OPA1: variants seen among roughly 807,000 people sequenced by gnomAD.
OPA1 encodes the protein OPA1 mitochondrial dynamin like GTPase.
In OPA1, 59 loss-of-function variants were observed where a neutral mutation model predicts 152.9. The ratio of observed to expected loss-of-function variants is 0.39; its 90% confidence interval spans 0.31 to 0.48. The LOEUF (loss-of-function observed/expected upper bound fraction) is 0.48. Ranked by LOEUF, OPA1 falls within the 20% of genes least tolerant of loss-of-function variation. The pLI, the probability that OPA1 is intolerant of heterozygous loss-of-function variation, is 0.96. For synonymous variants in OPA1, 400 were observed against 389.9 expected, an observed-to-expected ratio of 1.03 and a Z score of -0.31; for missense variants, 1,008 against 1,216.8, an observed-to-expected ratio of 0.83 and a Z score of 2.55.
At chr3:193,639,307 A>G (rs1733406845) in intron 11 of OPA1, among the ~76,000 whole-genome samples, 1 of 152,224 alleles carries the variant, frequency 6.6e-6, no homozygotes, top group Admixed American at 6.5e-5. Flanking sequence ...ATAATACATA[A>G]TTGTATAGTA....
intron 29 of OPA1, 102 bp from the exon 30 acceptor site, chr3:193,691,961 T>C (rs574607006): frequency 1.4e-6 from 1 of 706,584 alleles, no homozygotes; most frequent in Non-Finnish European, 2.5e-6. Context: ...TTTTTCTTTT[T>C]CCCGCAAATA....
rs548825237 is a variant in OPA1 at position 193,610,418 on chromosome 3, C to T, written c.33-4305C>T. Among the ~76,000 whole-genome samples the T allele has an allele frequency of 2.9e-4, 44 of 152,272 alleles. No individual in the cohort carries two copies. In the East Asian group the frequency reaches 7.5e-3, roughly 26 times the overall value. ...GGAAGTTTTGTCTCAGAGGGGTACC[C>T]GGCCATGTGAGGTGTCAGTCTGCCC... On this transcript the variant is annotated intron_variant, in intron 1 of 30. Transcript: ENST00000361510.
intron 21 of OPA1, among the ~76,000 whole-genome samples, chr3:193,649,445 G>A (rs1401473507): frequency 6.6e-6 from 1 of 152,196 alleles, no homozygotes; most frequent in Admixed American, 6.5e-5. Context: ...TCAGTGGAAT[G>A]AGACACGGTA....
At chr3:193,652,156 G>A (rs148970134) in intron 21 of OPA1, among the ~76,000 whole-genome samples, 125 of 152,172 alleles carry the variant, frequency 8.2e-4, no homozygotes, top group African/African-American at 2.9e-3. Flanking sequence ...CCCTATGGTC[G>A]GATCACTTAA....
intron 7 of OPA1, among the ~76,000 whole-genome samples, chr3:193,629,409 T>C (rs771722145): frequency 5.9e-5 from 9 of 151,970 alleles, no homozygotes; most frequent in African/African-American, 2.2e-4. Context: ...ATATAAATTA[T>C]ATTTGTAGGC....
chr3:193,638,753 A>G (rs1231692117), intron 11 of OPA1, among the ~76,000 whole-genome samples: 1 of 152,220 alleles, frequency 6.6e-6, no homozygotes, highest in African/African-American at 2.4e-5. Context: ...TGACATTTTC[A>G]GCTATTGAAA....
At chr3:193,617,962 C>G (rs931691794) in intron 5 of OPA1, 125 bp downstream of exon 5, 10 of 706,864 alleles carry the variant, frequency 1.4e-5, no homozygotes, top group African/African-American at 1.1e-4. Context: ...AACCCCAGAA[C>G]TATATTAGGC....
Position 193,619,932 on chromosome 3 carries a change from TTTTAA to T in OPA1, c.678+1000_678+1004del, listed in dbSNP as rs1189339145. ...TTTCAAAAGATTTTTTTCTTTTGCC[TTTTAA>T]TTTTATCTTTTGGAGAAAAATGTAT... On this transcript the variant is annotated intron_variant, in intron 6 of 30. Transcript: ENST00000361510. Among the ~76,000 whole-genome samples, 6 of 152,340 alleles carry T rather than the reference TTTTAA, an allele frequency of 3.9e-5. No individual in the cohort carries two copies. In the East Asian group the frequency reaches 1.2e-3, roughly 29 times the overall value.
chr3:193,608,877 C>G (rs1353999857), intron 1 of OPA1, among the ~76,000 whole-genome samples: 2 of 152,082 alleles, frequency 1.3e-5, no homozygotes, highest in African/African-American at 4.8e-5. Flanking sequence ...CTTTATGAAT[C>G]TGGGTGCTCC....
intron 29 of OPA1, among the ~76,000 whole-genome samples, chr3:193,670,204 A>G (rs1196137875): frequency 2.0e-5 from 3 of 152,358 alleles, no homozygotes; most frequent in East Asian, 1.9e-4. Flanking sequence ...AGCCTGTTCA[A>G]TTAGAACATA....
chr3:193,628,155 T>C (rs1341640079), intron 7 of OPA1, among the ~76,000 whole-genome samples: 6 of 152,192 alleles, frequency 3.9e-5, no homozygotes, highest in East Asian at 1.9e-4. Context: ...TGAGGTTTAC[T>C]TGATGCATAA....
intron 21 of OPA1, among the ~76,000 whole-genome samples, chr3:193,649,144 A>C (rs1193454585): frequency 2.0e-5 from 3 of 152,132 alleles, no homozygotes; most frequent in Non-Finnish European, 4.4e-5. Flanking sequence ...TCCTTTGGGC[A>C]GAAGTTTTGT....
intron 1 of OPA1, 136 bp downstream of exon 1, chr3:193,593,545 TGAG>T (rs1299744827): frequency 1.1e-6 from 1 of 928,546 alleles, no homozygotes; most frequent in Non-Finnish European, 1.5e-6. Context: ...CAGATGTTCT[TGAG>T]GACCCAGAAT....
intron 6 of OPA1, among the ~76,000 whole-genome samples, chr3:193,623,480 G>A (rs1730524540): frequency 6.6e-6 from 1 of 152,044 alleles, no homozygotes; most frequent in Admixed American, 6.6e-5. Flanking sequence ...TACGTGAAAT[G>A]AGACTGAGAT....
chr3:193,689,155 G>A (rs1721346037), intron 29 of OPA1: 1 of 152,178 alleles, frequency 6.6e-6, no homozygotes, highest in South Asian at 2.1e-4. Flanking sequence ...GAGTAAGCCA[G>A]GAATGCTTCT....
intron 7 of OPA1, among the ~76,000 whole-genome samples, chr3:193,626,939 G>A (rs1367513846): frequency 1.3e-5 from 2 of 152,158 alleles, no homozygotes; most frequent in African/African-American, 2.4e-5. Context: ...CCACAACGGA[G>A]ATCCCAAAGT....
chr3:193,626,268 G>A (rs566655478), intron 7 of OPA1, 66 bp downstream of exon 7: 27 of 1,112,708 alleles, frequency 2.4e-5, no homozygotes, highest in Non-Finnish European at 3.6e-5. Context: ...CCAAGATCAT[G>A]TCACCTCAAT....
chr3:193,596,376 T>TTTTCC, intron 1 of OPA1, among the ~76,000 whole-genome samples: 1 of 83,686 alleles, frequency 1.2e-5, no homozygotes, highest in African/African-American at 5.2e-5. Flanking sequence ...TTTTCTTTTC[T>TTTTCC]TTTCTTTTCT....
intron 29 of OPA1, among the ~76,000 whole-genome samples, chr3:193,668,047 G>T (rs1236631269): frequency 3.9e-5 from 6 of 152,094 alleles, no homozygotes; most frequent in Non-Finnish European, 7.4e-5. Context: ...GTGAATGTTT[G>T]TGTGTGTGCA....
Sources: allele counts gnomAD v4.1 joint callset (sites outside exome capture counted in the v4.1 genomes callset), GRCh38; gene constraint gnomAD v4.1.1; transcripts MANE v1.5; gene names NCBI Gene and HGNC (gene_info 2026-07-23, HGNC 2026-07-21).